SEPTIN7: variants seen among roughly 807,000 people sequenced by gnomAD.
SEPTIN7 encodes the protein septin 7, also known as septin-7.
Under a neutral mutation model 63.3 loss-of-function variants are expected in SEPTIN7, and 10 were observed. The observed-to-expected ratio is 0.16, with a 90% CI of 0.10 to 0.27. SEPTIN7 has a LOEUF of 0.27. SEPTIN7 is among the 10% of genes least tolerant of loss of function. The pLI is 1.00. For synonymous variants in SEPTIN7, 131 were observed against 165.3 expected, an observed-to-expected ratio of 0.79 and a Z score of 1.59; for missense variants, 310 against 521.0, an observed-to-expected ratio of 0.59 and a Z score of 3.94.
intron 3 of SEPTIN7, among the ~76,000 whole-genome samples, chr7:35,858,895 G>A (rs992373595): frequency 6.7e-6 from 1 of 149,688 alleles, no homozygotes; most frequent in Non-Finnish European, 1.5e-5. Context: ...GGTCAGGCTG[G>A]TCTTGAACTC....
At chr7:35,875,457 C>T (rs1309494896) in intron 6 of SEPTIN7, among the ~76,000 whole-genome samples, 1 of 152,074 alleles carries the variant, frequency 6.6e-6, no homozygotes, top group African/African-American at 2.4e-5. Context: ...AGAGCGTTTC[C>T]GTCTTGTCTG....
At chr7:35,888,891 A>G (rs1172786718) in intron 10 of SEPTIN7, 8 of 318,684 alleles carry the variant, frequency 2.5e-5, no homozygotes, top group Admixed American at 3.9e-5. Flanking sequence ...TGGCATAGGT[A>G]TTTGTTATTT....
At chr7:35,862,391 T>A (rs962025109) in intron 3 of SEPTIN7, among the ~76,000 whole-genome samples, 1 of 152,210 alleles carries the variant, frequency 6.6e-6, no homozygotes, top group Non-Finnish European at 1.5e-5. Context: ...TCCCAAAACA[T>A]TATTGTATAT....
intron 11 of SEPTIN7, 155 bp from the exon 12 acceptor site, chr7:35,898,093 A>C (rs1384944349): frequency 2.0e-6 from 1 of 508,604 alleles, no homozygotes; most frequent in African/African-American, 2.0e-5. Flanking sequence ...ATAAATAATC[A>C]AGTTTTATAT....
At chr7:35,824,806 T>C (rs976326069) in intron 1 of SEPTIN7, among the ~76,000 whole-genome samples, 2 of 152,212 alleles carry the variant, frequency 1.3e-5, no homozygotes, top group African/African-American at 2.4e-5. Context: ...AAACTAACTT[T>C]AGTTTTATAT....
chr7:35,912,575 T>G, the SEPTIN7 span, among the ~76,000 whole-genome samples: 8 of 152,382 alleles, frequency 5.2e-5, 1 homozygote, highest in South Asian at 1.7e-3. Flanking sequence ...TGTGTGTCTT[T>G]AATTCCTCTA....
rs570095053 is a variant in SEPTIN7, at chr7:35,801,200, G to C, written c.-10G>C. 237 of 1,504,116 alleles carry C rather than the reference G, an allele frequency of 1.6e-4. No individual in the cohort carries two copies. The highest frequency in any genetic ancestry group is 1.1e-3 in the African/African-American group (77 of 69,556). The allele number at this position is 1,504,116 out of a possible 1,614,324, so 93.2% of individuals were successfully genotyped here. On this transcript the variant is annotated 5_prime_UTR_variant, in exon 1 of 14. Transcript: ENST00000350320. ...GCTCCGCTGGGGCTGGTCGCGGAGGGGGGGAGGGGATGTCGGTCAGTGCGA... is the reference window on the plus strand; with the variant it reads ...GCTCCGCTGGGGCTGGTCGCGGAGGCGGGGAGGGGATGTCGGTCAGTGCGA...
chr7:35,854,861 T>TA (rs1785126550), intron 3 of SEPTIN7, among the ~76,000 whole-genome samples: 1 of 152,134 alleles, frequency 6.6e-6, no homozygotes, highest in South Asian at 2.1e-4. Flanking sequence ...AAATGTTTCA[T>TA]AACCTTTCCC....
intron 7 of SEPTIN7, among the ~76,000 whole-genome samples, chr7:35,880,600 T>C (rs1786816756): frequency 1.3e-5 from 2 of 152,226 alleles, no homozygotes; most frequent in South Asian, 2.1e-4. Flanking sequence ...ATATGGGTTC[T>C]TTTTATTCTG....
intron 10 of SEPTIN7, 61 bp from the exon 11 acceptor site, chr7:35,890,607 T>G: frequency 7.5e-7 from 1 of 1,332,170 alleles, no homozygotes; most frequent in South Asian, 2.4e-5. Context: ...ATTAAAACTT[T>G]TTAAGCTTTT....
At chr7:35,860,062 CTTTG>C (rs1052230145) in intron 3 of SEPTIN7, among the ~76,000 whole-genome samples, 31 of 149,240 alleles carry the variant, frequency 2.1e-4, no homozygotes, top group Non-Finnish European at 3.9e-4. Context: ...CCATTACTGC[CTTTG>C]TTTGTGTTTA....
intron 3 of SEPTIN7, among the ~76,000 whole-genome samples, chr7:35,835,605 T>C (rs1784046958): frequency 6.6e-6 from 1 of 152,056 alleles, no homozygotes; most frequent in African/African-American, 2.4e-5. Context: ...TATAGTGCAG[T>C]GTTTATAAGA....
chr7:35,886,016 A>G lies in SEPTIN7; in HGVS notation c.872+137A>G, dbSNP rs190691612. The G allele has an allele frequency of 2.9e-3, 1,798 of 615,876 alleles. 6 individuals carry two copies. Among genetic ancestry groups the G allele is most frequent in the Non-Finnish European group, 4.3e-3 (1,527 of 357,076 alleles). 38.2% of individuals were successfully genotyped at this position (615,876 alleles called of 1,614,324 possible). Reference sequence around the variant, plus strand: ...AGTCTAGCCATGAAGTAAACACTACATATAGATGATTCTTTCTCCAAGGTT... The same window carrying G: ...AGTCTAGCCATGAAGTAAACACTACGTATAGATGATTCTTTCTCCAAGGTT... On this transcript the variant is annotated intron_variant, in intron 10 of 13. Transcript: ENST00000350320.
At chr7:35,803,559 A>G (rs1412203080) in intron 1 of SEPTIN7, among the ~76,000 whole-genome samples, 1 of 152,230 alleles carries the variant, frequency 6.6e-6, no homozygotes, top group Non-Finnish European at 1.5e-5. Flanking sequence ...TGTAGACTGT[A>G]TTCTGGGAAT....
intron 1 of SEPTIN7, among the ~76,000 whole-genome samples, chr7:35,829,588 A>G (rs1783720949): frequency 6.6e-6 from 1 of 152,190 alleles, no homozygotes; most frequent in African/African-American, 2.4e-5. Context: ...CTCTTATCTG[A>G]TGAGTTCCTT....
intron 11 of SEPTIN7, among the ~76,000 whole-genome samples, chr7:35,894,607 T>A (rs1170797078): frequency 1.3e-5 from 2 of 152,210 alleles, no homozygotes; most frequent in Non-Finnish European, 2.9e-5. Flanking sequence ...GTTTTAATAC[T>A]CTCACATGGC....
intron 11 of SEPTIN7, among the ~76,000 whole-genome samples, chr7:35,893,387 A>G (rs1787765944): frequency 6.6e-6 from 1 of 152,188 alleles, no homozygotes; most frequent in Non-Finnish European, 1.5e-5. Context: ...GTTTTAGAAT[A>G]TAAGCTAAAC....
At chr7:35,854,359 A>T (rs187384803) in intron 3 of SEPTIN7, among the ~76,000 whole-genome samples, 1 of 152,212 alleles carries the variant, frequency 6.6e-6, no homozygotes. Context: ...TGGGGATTCA[A>T]ATTTTGAAAA....
intron 3 of SEPTIN7, among the ~76,000 whole-genome samples, chr7:35,844,122 A>G (rs1456868807): frequency 6.6e-6 from 1 of 152,238 alleles, no homozygotes; most frequent in African/African-American, 2.4e-5. Flanking sequence ...GCTAAGAATT[A>G]CTGATGAAGC....
Sources: gnomAD v4.1 joint callset for allele counts (sites outside exome capture counted in the v4.1 genomes callset) on GRCh38, gnomAD v4.1.1 for gene constraint, MANE v1.5 for transcripts, NCBI Gene and HGNC (gene_info 2026-07-23, HGNC 2026-07-21) for gene names.